The following DISC1 variants were observed in gnomAD, a reference collection of about 807,000 sequenced individuals.
DISC1 encodes disrupted in schizophrenia 1 protein.
In DISC1, 57 loss-of-function variants were observed where a neutral mutation model predicts 84.5. The ratio of observed to expected loss-of-function variants is 0.67; its 90% CI spans 0.55 to 0.84. The LOEUF (loss-of-function observed/expected upper bound fraction) is 0.84. Ranked by LOEUF, DISC1 falls within the 40% of genes least tolerant of loss-of-function variation. The pLI, the probability that DISC1 is intolerant of heterozygous loss-of-function variation, is 0.00. For synonymous variants in DISC1, 411 were observed against 415.2 expected (o/e 0.99, Z 0.12); for missense variants, 1,000 against 1,057.8 (o/e 0.95, Z 0.76).
At chr1:231,750,288 A>G (rs1324090821) in intron 4 of DISC1, 1 of 1,370,980 alleles carries the variant, frequency 7.3e-7, no homozygotes, top group Non-Finnish European at 9.4e-7. Context: ...CTTTTCTGCC[A>G]CTTGACAGAG....
At chr1:231,838,300 C>A (rs1455883625) in intron 9 of DISC1, among the ~76,000 whole-genome samples, 2 of 152,226 alleles carry the variant, frequency 1.3e-5, no homozygotes, top group Non-Finnish European at 2.9e-5. Context: ...AAGCACCCAT[C>A]TATCTGGAAT....
intron 10 of DISC1, among the ~76,000 whole-genome samples, chr1:232,004,512 TA>T (rs1667093223): frequency 6.6e-6 from 1 of 152,064 alleles, no homozygotes; most frequent in Non-Finnish European, 1.5e-5. Context: ...GGCAGAAGAA[TA>T]AATGGAAAAC....
chr1:231,733,132 ATAG>A (rs1485566401), intron 3 of DISC1, among the ~76,000 whole-genome samples: 2 of 13,514 alleles, frequency 1.5e-4, no homozygotes, highest in African/African-American at 5.4e-4. Context: ...AGTGGTGGTG[ATAG>A]TGGTGGTAGG....
intron 9 of DISC1, among the ~76,000 whole-genome samples, chr1:231,946,396 C>T (rs574690010): frequency 2.1e-4 from 32 of 152,172 alleles, no homozygotes; most frequent in South Asian, 1.7e-3. Flanking sequence ...AAAAGGCCTT[C>T]GACAAAATTC....
Position 232,031,528 on chromosome 1 carries a change from A to G in DISC1, c.2425+4976A>G, listed in dbSNP as rs1670055972. Among the ~76,000 whole-genome samples, 1 of 152,124 alleles carries G rather than the reference A, an allele frequency of 6.6e-6. No homozygotes were observed. Among genetic ancestry groups the G allele is most frequent in the Admixed American group, 6.5e-5 (1 of 15,278 alleles). On this transcript the variant is annotated intron_variant, in intron 12 of 12. Coordinates refer to ENST00000439617, the MANE Select transcript of DISC1 (RefSeq NM_018662.3). The surrounding 1 kb of genome is among the most constrained non-coding windows in gnomAD (Gnocchi z 4.6). ...AAGGAAAGGAAAGAAAGAAAAGGAA[A>G]GGAAAGAAAGAAAACCCAGAGCCTA... is the stretch of plus-strand genomic sequence containing the variant.
At chr1:231,939,027 A>G (rs950885157) in intron 9 of DISC1, among the ~76,000 whole-genome samples, 2 of 152,134 alleles carry the variant, frequency 1.3e-5, no homozygotes, top group South Asian at 4.1e-4. Flanking sequence ...CGACCACCCA[A>G]TTTAAGATGA....
chr1:232,005,012 C>CTTT (rs1491456366), intron 10 of DISC1, among the ~76,000 whole-genome samples: 4 of 126,534 alleles, frequency 3.2e-5, no homozygotes, highest in African/African-American at 9.7e-5. Context: ...TTCCTTCCTT[C>CTTT]CCTCTCTCCC....
At chr1:231,863,162 C>T (rs2084794074) in intron 9 of DISC1, among the ~76,000 whole-genome samples, 1 of 149,458 alleles carries the variant, frequency 6.7e-6, no homozygotes, top group African/African-American at 2.5e-5. Context: ...GGCTCATTGC[C>T]ATGAAAATAT....
intron 1 of DISC1, among the ~76,000 whole-genome samples, chr1:231,683,648 G>A (rs1288345516): frequency 2.6e-5 from 4 of 151,490 alleles, no homozygotes; most frequent in African/African-American, 4.9e-5. Flanking sequence ...TCCTTGGATG[G>A]TTTCTGGTCA....
Position 231,779,549 on chromosome 1 carries a change from GTTTTTTTTTT to G in DISC1, c.1634+8499_1634+8508del, listed in dbSNP as rs762129889. Among the ~76,000 whole-genome samples the G allele has an allele frequency of 2.6e-3, 137 of 53,578 alleles. 1 individual carries two copies. Among genetic ancestry groups the G allele is most frequent in the Middle Eastern group, 0.013 (1 of 76 alleles). 35.1% of individuals were successfully genotyped at this position (53,578 alleles called of 152,430 possible). ...ATGTATACTTGGTCAACCTATTCTT[GTTTTTTTTTT>G]TTTTTTTTTTTTTTTTTTTAAGATG... On this transcript the variant is annotated intron_variant, in intron 6 of 12. Transcript: ENST00000439617.
At chr1:231,696,706 A>G (rs1444637317) in intron 2 of DISC1, among the ~76,000 whole-genome samples, 5 of 152,240 alleles carry the variant, frequency 3.3e-5, no homozygotes. Context: ...AGATACAACA[A>G]TACCTTACCA....
At chr1:231,796,663 C>T (rs2078789261) in intron 7 of DISC1, among the ~76,000 whole-genome samples, 1 of 152,186 alleles carries the variant, frequency 6.6e-6, no homozygotes, top group Admixed American at 6.5e-5. Flanking sequence ...AAGAGAGCTT[C>T]CTGTTAGGAA....
intron 9 of DISC1, among the ~76,000 whole-genome samples, chr1:231,956,507 G>A (rs1373742303): frequency 2.0e-5 from 3 of 151,942 alleles, no homozygotes; most frequent in African/African-American, 7.3e-5. Flanking sequence ...CTCCCTTATG[G>A]TGTATTCTCA....
At chr1:231,690,454 G>A (rs2064862487) in intron 1 of DISC1, among the ~76,000 whole-genome samples, 1 of 152,174 alleles carries the variant, frequency 6.6e-6, no homozygotes, top group Admixed American at 6.5e-5. Flanking sequence ...TGCACTTTGG[G>A]CTTTTTCTTC....
chr1:231,762,802 G>C (rs575700173), intron 4 of DISC1, among the ~76,000 whole-genome samples: 3 of 152,110 alleles, frequency 2.0e-5, no homozygotes, highest in Admixed American at 1.3e-4. Context: ...TGTGAGGGTG[G>C]GGTCTGTATA....
At position 231,951,099 on chromosome 1, in the gene DISC1, C is replaced by T. The variant is rs115206968; in HGVS notation, c.1982-7729C>T. ...GGACAACTGAGTCACAGGATGATGT[C>T]CCAGTTCTGAAAACACTTTCTCACT... On this transcript the variant is annotated intron_variant, in intron 9 of 12. Transcript: ENST00000439617. Among the ~76,000 whole-genome samples the T allele has an allele frequency of 3.0e-3, 458 of 152,316 alleles. 5 individuals carry two copies. Among genetic ancestry groups the T allele is most frequent in the African/African-American group, 0.011 (448 of 41,566 alleles).
At chr1:231,695,732 G>T (rs2065604279) in intron 2 of DISC1, among the ~76,000 whole-genome samples, 1 of 152,102 alleles carries the variant, frequency 6.6e-6, no homozygotes, top group Non-Finnish European at 1.5e-5. Flanking sequence ...GTGGTGTGTG[G>T]ATATGTTCAT....
At chr1:231,975,768 A>G (rs1298051622) in intron 10 of DISC1, among the ~76,000 whole-genome samples, 2 of 152,216 alleles carry the variant, frequency 1.3e-5, no homozygotes, top group Non-Finnish European at 2.9e-5. Flanking sequence ...AGTGGGTGTT[A>G]AAAAATGTGT....
chr1:231,943,492 G>A (rs1341719614), intron 9 of DISC1, among the ~76,000 whole-genome samples: 1 of 152,186 alleles, frequency 6.6e-6, no homozygotes, highest in African/African-American at 2.4e-5. Flanking sequence ...AAGGATAGTA[G>A]CCCAGCATGT....
Sources: allele counts gnomAD v4.1 joint callset (sites outside exome capture counted in the v4.1 genomes callset), GRCh38; gene constraint gnomAD v4.1.1; non-coding constraint Gnocchi (gnomAD v3.1); transcripts MANE v1.5; gene names NCBI Gene and HGNC (gene_info 2026-07-23, HGNC 2026-07-21).